Variants in CNTN4 observed in about 807,000 individuals in gnomAD.
CNTN4 encodes contactin 4, also known as contactin-4.
Under a neutral mutation model 122.5 loss-of-function variants are expected in CNTN4, and 77 were observed. The ratio of observed to expected loss-of-function variants is 0.63; its 90% CI spans 0.52 to 0.76. The LOEUF (loss-of-function observed/expected upper bound fraction) is 0.76, where lower values mean the gene tolerates loss of function less well. CNTN4 is among the 30% of genes least tolerant of loss of function. The pLI, the probability that CNTN4 is intolerant of heterozygous loss-of-function variation, is 0.00. For synonymous variants in CNTN4, 512 were observed against 447.0 expected, an observed-to-expected ratio of 1.15 and a Z score of -1.83; for missense variants, 1,256 against 1,259.1, an observed-to-expected ratio of 1.00 and a Z score of 0.04.
intron 6 of CNTN4, among the ~76,000 whole-genome samples, chr3:2,804,945 C>T (rs1436242738): frequency 6.6e-6 from 1 of 152,072 alleles, no homozygotes; most frequent in South Asian, 2.1e-4. Context: ...GAGGCTGAGG[C>T]GGGCGGATCA....
intron 13 of CNTN4, among the ~76,000 whole-genome samples, chr3:2,973,960 A>G (rs17023912): frequency 0.011 from 1,744 of 152,342 alleles, 35 homozygotes; most frequent in African/African-American, 0.039. Context: ...GCACTTCTCC[A>G]AGTACTCAGA....
intron 3 of CNTN4, among the ~76,000 whole-genome samples, chr3:2,450,419 G>C (rs572476113): frequency 6.6e-6 from 1 of 151,780 alleles, no homozygotes; most frequent in Non-Finnish European, 1.5e-5. Flanking sequence ...TGCCAGTCAG[G>C]TGTGTGTATA....
chr3:2,325,671 T>G (rs2043428964), intron 2 of CNTN4, among the ~76,000 whole-genome samples: 1 of 152,162 alleles, frequency 6.6e-6, no homozygotes, highest in African/African-American at 2.4e-5. Flanking sequence ...AACAAGGAAC[T>G]TACCAGCGGT....
intron 2 of CNTN4, among the ~76,000 whole-genome samples, chr3:2,138,676 T>C (rs2034831247): frequency 6.6e-6 from 1 of 152,196 alleles, no homozygotes; most frequent in Non-Finnish European, 1.5e-5. Flanking sequence ...GCTGGGACAT[T>C]GGTCCTCTCC....
intron 3 of CNTN4, among the ~76,000 whole-genome samples, chr3:2,531,830 G>T (rs1162629837): frequency 6.6e-6 from 1 of 152,136 alleles, no homozygotes. Context: ...GTCAAAATCT[G>T]TCTTAATATT....
At chr3:2,713,895 G>A (rs1260810862) in intron 4 of CNTN4, among the ~76,000 whole-genome samples, 1 of 152,184 alleles carries the variant, frequency 6.6e-6, no homozygotes, top group Non-Finnish European at 1.5e-5. Context: ...TGTTCACAAA[G>A]TCTCAGATTT....
chr3:2,335,339 T>C (rs184863596), intron 2 of CNTN4, among the ~76,000 whole-genome samples: 1 of 152,166 alleles, frequency 6.6e-6, no homozygotes, highest in East Asian at 1.9e-4. Context: ...ATTTTCTGCA[T>C]AGTATGAACT....
intron 2 of CNTN4, among the ~76,000 whole-genome samples, chr3:2,234,867 A>G (rs1575139507): frequency 6.6e-6 from 1 of 152,176 alleles, no homozygotes; most frequent in Non-Finnish European, 1.5e-5. Context: ...TCTCACTCAC[A>G]AAAGATTCAA....
Position 2,887,051 on chromosome 3 carries a change from C to T in CNTN4, c.767C>T (p.Thr256Ile), listed in dbSNP as rs200077833. ...ECFALGNPVP[T>I]IIWRRADGKP... ...ATTCTTGCTATCAGTCCAGTACCAACTATTATCTGGCGAAGAGCTGATGGA... is the reference window on the plus strand; with the variant it reads ...ATTCTTGCTATCAGTCCAGTACCAATTATTATCTGGCGAAGAGCTGATGGA... Residue 256 changes from threonine to isoleucine, a missense_variant, in exon 10 of 25, where the codon ACT (threonine) becomes ATT (isoleucine). Transcript: ENST00000418658. The T allele has an allele frequency of 2.9e-5, 47 of 1,613,660 alleles. No individual in the cohort carries two copies. The highest frequency in any genetic ancestry group is 4.2e-6 in the Non-Finnish European group (5 of 1,179,858).
At chr3:2,201,498 A>C (rs1485051281) in intron 2 of CNTN4, among the ~76,000 whole-genome samples, 1 of 152,206 alleles carries the variant, frequency 6.6e-6, no homozygotes, top group African/African-American at 2.4e-5. Context: ...GAGAATTAGC[A>C]AAGATGCTAA....
chr3:2,936,122 A>T (rs902341594), intron 13 of CNTN4, among the ~76,000 whole-genome samples: 3 of 152,190 alleles, frequency 2.0e-5, no homozygotes, highest in Non-Finnish European at 4.4e-5. Flanking sequence ...GGGGCTTCAC[A>T]CTTCCTTTTA....
chr3:2,335,577 T>G (rs73807729), intron 2 of CNTN4, among the ~76,000 whole-genome samples: 11,508 of 102,498 alleles, frequency 0.11, 506 homozygotes, highest in Middle Eastern at 0.15. Flanking sequence ...AGAAAAAAAT[T>G]CTGTGGGTTT....
intron 4 of CNTN4, among the ~76,000 whole-genome samples, chr3:2,711,440 C>T (rs2728037): frequency 0.06 from 9,110 of 152,134 alleles, 682 homozygotes; most frequent in African/African-American, 0.18. Context: ...ACACCAGCCA[C>T]AAATAGGTAT....
chr3:2,756,254 A>G (rs2149650262), intron 6 of CNTN4, among the ~76,000 whole-genome samples: 1 of 152,268 alleles, frequency 6.6e-6, no homozygotes, highest in South Asian at 2.1e-4. Flanking sequence ...TCCTAACCCC[A>G]GTGTGATCAT....
chr3:2,217,343 G>T (rs2038887765), intron 2 of CNTN4, among the ~76,000 whole-genome samples: 1 of 152,224 alleles, frequency 6.6e-6, no homozygotes, highest in African/African-American at 2.4e-5. Context: ...CTCGAGGGCT[G>T]GTCTAGTTCC....
chr3:2,875,575 T>C (rs1473713042), intron 8 of CNTN4, among the ~76,000 whole-genome samples: 1 of 152,200 alleles, frequency 6.6e-6, no homozygotes, highest in Non-Finnish European at 1.5e-5. Context: ...GCTTTCCAGC[T>C]ACAATGGCAG....
rs539531635 is a variant in CNTN4, at chr3:2,338,272, G to T, written c.-144-906G>T. 1.1e-3 allele frequency among the ~76,000 whole-genome samples: 168 copies of T among 152,074 alleles called. 1 individual carries two copies. Among genetic ancestry groups the T allele is most frequent in the African/African-American group, 3.8e-3 (159 of 41,526 alleles). Reference sequence around the variant, plus strand: ...GTAGTTAGGTATTTAATATAGAGATGAATTATTTTGCAATTCAGCCAGAGA... The same window carrying T: ...GTAGTTAGGTATTTAATATAGAGATTAATTATTTTGCAATTCAGCCAGAGA... On this transcript the variant is annotated intron_variant, in intron 2 of 24. Coordinates refer to ENST00000418658, the MANE Select transcript of CNTN4 (RefSeq NM_175607.3).
chr3:2,836,292 T>G (rs1324599201), intron 7 of CNTN4, among the ~76,000 whole-genome samples: 1 of 152,216 alleles, frequency 6.6e-6, no homozygotes, highest in Non-Finnish European at 1.5e-5. Context: ...TGTAATTCTC[T>G]TGCCAAATAA....
intron 3 of CNTN4, among the ~76,000 whole-genome samples, chr3:2,397,483 T>A (rs1187899901): frequency 6.6e-6 from 1 of 151,260 alleles, no homozygotes; most frequent in East Asian, 1.9e-4. Context: ...AGTCTCCTTT[T>A]AGGTGCAAGT....
Sources: gnomAD v4.1 joint callset for allele counts (sites outside exome capture counted in the v4.1 genomes callset) on GRCh38, gnomAD v4.1.1 for gene constraint, MANE v1.5 for transcripts, NCBI Gene and HGNC (gene_info 2026-07-23, HGNC 2026-07-21) for gene names.